Variants in UNC5D observed in about 807,000 individuals in gnomAD.
UNC5D encodes unc-5 netrin receptor D.
UNC5D carries 39 observed loss-of-function variants against 105.4 expected under a neutral mutation model. That is an observed-to-expected ratio of 0.37 (90% CI 0.29 to 0.48). UNC5D has a LOEUF of 0.48. UNC5D is among the 20% of genes least tolerant of loss of function. The pLI is 0.98. For missense variants in UNC5D, 991 were observed against 1,202.4 expected, an observed-to-expected ratio of 0.82 and a Z score of 2.60; for synonymous variants, 452 against 450.4, an observed-to-expected ratio of 1.00 and a Z score of -0.04.
intron 1 of UNC5D, among the ~76,000 whole-genome samples, chr8:35,411,529 C>G (rs1805166611): frequency 6.6e-6 from 1 of 151,958 alleles, no homozygotes; most frequent in South Asian, 2.1e-4. Context: ...ACATAGTAGA[C>G]ACTTACTAAA....
intron 11 of UNC5D, among the ~76,000 whole-genome samples, chr8:35,733,278 A>AC (rs1289444974): frequency 6.6e-6 from 1 of 152,170 alleles, no homozygotes; most frequent in African/African-American, 2.4e-5. Context: ...CCTTTCTACT[A>AC]CTTCATTTTA....
intron 1 of UNC5D, among the ~76,000 whole-genome samples, chr8:35,546,332 G>A (rs931065769): frequency 2.1e-4 from 32 of 152,158 alleles, no homozygotes; most frequent in African/African-American, 7.7e-4. Flanking sequence ...TAAAATGGGA[G>A]GAGGGGAACT....
At chr8:35,510,547 C>T (rs980815581) in intron 1 of UNC5D, among the ~76,000 whole-genome samples, 12 of 152,008 alleles carry the variant, frequency 7.9e-5, no homozygotes, top group Non-Finnish European at 1.5e-4. Flanking sequence ...AATAAATAGC[C>T]TCTTACCACC....
Position 35,728,095 on chromosome 8 carries a change from A to AAAATAT in UNC5D, c.1681+1567_1681+1568insAATATA, listed in dbSNP as rs34672872. Among the ~76,000 whole-genome samples the AAAATAT allele has an allele frequency of 8.7e-4, 96 of 110,328 alleles. 1 individual carries two copies. Among genetic ancestry groups the AAAATAT allele is most frequent in the African/African-American group, 4.8e-3 (87 of 18,272 alleles). 72.4% of individuals were successfully genotyped at this position (110,328 alleles called of 152,430 possible). A position where few individuals can be genotyped will look rare whatever the true frequency, so the allele number is the denominator to read the frequency against. On this transcript the variant is annotated intron_variant, in intron 10 of 16. Transcript: ENST00000404895. ...CTAAAAAAAAAAAAAAAAAAAAAAA[A>AAAATAT]ATATATATATATATATGCCATAAAA...
chr8:35,767,648 A>G (rs1474983955), intron 15 of UNC5D, among the ~76,000 whole-genome samples: 1 of 152,206 alleles, frequency 6.6e-6, no homozygotes, highest in Non-Finnish European at 1.5e-5. Context: ...CAATAATATA[A>G]GAAGGATCTC....
At chr8:35,625,778 G>T (rs947598126) in intron 4 of UNC5D, among the ~76,000 whole-genome samples, 3 of 152,130 alleles carry the variant, frequency 2.0e-5, no homozygotes, top group African/African-American at 7.2e-5. Context: ...AGGAACATTA[G>T]TTACAAATAC....
chr8:35,536,138 A>T (rs1483768428), intron 1 of UNC5D, among the ~76,000 whole-genome samples: 2 of 152,196 alleles, frequency 1.3e-5, no homozygotes, highest in Non-Finnish European at 2.9e-5. Context: ...TCTGTTTCTG[A>T]CTGTGTCTAG....
intron 1 of UNC5D, among the ~76,000 whole-genome samples, chr8:35,438,351 G>A (rs1257811411): frequency 6.6e-6 from 1 of 152,040 alleles, no homozygotes. Context: ...AAAAGATTAA[G>A]TGACGTTTGT....
At chr8:35,553,966 G>C (rs1816350900) in intron 2 of UNC5D, among the ~76,000 whole-genome samples, 1 of 152,142 alleles carries the variant, frequency 6.6e-6, no homozygotes, top group Admixed American at 6.5e-5. Context: ...GGTTTTTTAA[G>C]TCCTGTCGAA....
chr8:35,558,452 A>G (rs1816709627), intron 2 of UNC5D, among the ~76,000 whole-genome samples: 1 of 152,216 alleles, frequency 6.6e-6, no homozygotes, highest in Admixed American at 6.5e-5. Flanking sequence ...ACTAATAATG[A>G]TAATAAAAAT....
intron 4 of UNC5D, among the ~76,000 whole-genome samples, chr8:35,599,249 A>G (rs1819686598): frequency 6.6e-6 from 1 of 151,900 alleles, no homozygotes; most frequent in South Asian, 2.1e-4. Flanking sequence ...ACATTGGTCA[A>G]AGGGTACAAT....
intron 3 of UNC5D, among the ~76,000 whole-genome samples, chr8:35,571,456 G>T (rs1817713707): frequency 6.6e-6 from 1 of 152,028 alleles, no homozygotes; most frequent in Admixed American, 6.5e-5. Context: ...GACATGATTT[G>T]TCATTAAATA....
intron 7 of UNC5D, among the ~76,000 whole-genome samples, chr8:35,686,915 G>T (rs757816386): frequency 6.6e-6 from 1 of 152,142 alleles, no homozygotes; most frequent in Non-Finnish European, 1.5e-5. Context: ...TTGTATCACT[G>T]TGCATTCTGT....
intron 1 of UNC5D, among the ~76,000 whole-genome samples, chr8:35,371,105 TG>T (rs1197105037): frequency 1.3e-5 from 2 of 151,884 alleles, no homozygotes; most frequent in Non-Finnish European, 2.9e-5. Flanking sequence ...CGTAGCTACT[TG>T]GGAGGCTGAG....
At chr8:35,774,018 C>T (rs1360245356) in intron 15 of UNC5D, among the ~76,000 whole-genome samples, 1 of 152,116 alleles carries the variant, frequency 6.6e-6, no homozygotes, top group Non-Finnish European at 1.5e-5. Context: ...GCCACTGTGC[C>T]CAGCCTCTGA....
chr8:35,396,859 G>C (rs1366215219), intron 1 of UNC5D, among the ~76,000 whole-genome samples: 1 of 150,182 alleles, frequency 6.7e-6, no homozygotes, highest in East Asian at 2.0e-4. Context: ...TTTGTTATAT[G>C]TGTATTATGT....
intron 1 of UNC5D, among the ~76,000 whole-genome samples, chr8:35,249,854 G>A (rs1803572301): frequency 6.6e-6 from 1 of 151,944 alleles, no homozygotes; most frequent in Non-Finnish European, 1.5e-5. Flanking sequence ...CAATTTATCA[G>A]TGAAGTGTCT....
chr8:35,358,889 T>TA (rs1801705689), intron 1 of UNC5D, among the ~76,000 whole-genome samples: 1 of 152,222 alleles, frequency 6.6e-6, no homozygotes, highest in African/African-American at 2.4e-5. Flanking sequence ...CAGTAAGCTT[T>TA]TATTGGCACT....
intron 7 of UNC5D, among the ~76,000 whole-genome samples, chr8:35,692,094 T>A (rs1020088252): frequency 1.3e-5 from 2 of 152,188 alleles, no homozygotes; most frequent in African/African-American, 4.8e-5. Context: ...ACATTGACAG[T>A]TCAAAAACTG....
Sources: allele counts gnomAD v4.1 joint callset (sites outside exome capture counted in the v4.1 genomes callset), GRCh38; gene constraint gnomAD v4.1.1; transcripts MANE v1.5; gene names NCBI Gene and HGNC (gene_info 2026-07-23, HGNC 2026-07-21).